Variants in TPRG1 observed in about 807,000 individuals in gnomAD.
TPRG1 encodes the protein tumor protein p63-regulated gene 1 protein.
Under a neutral mutation model 29.3 loss-of-function variants are expected in TPRG1, and 29 were observed. That is an observed-to-expected ratio of 0.99 (90% CI 0.74 to 1.35). TPRG1 has a LOEUF of 1.35. TPRG1 is among the 40% of genes most tolerant of loss of function. The pLI, the probability that TPRG1 is intolerant of heterozygous loss-of-function variation, is 0.00. For missense variants in TPRG1, 327 were observed against 335.0 expected, an observed-to-expected ratio of 0.98 and a Z score of 0.19; for synonymous variants, 130 against 116.8, an observed-to-expected ratio of 1.11 and a Z score of -0.73.
At chr3:189,155,684 A>G (rs1255833686) in intron 5 of TPRG1, among the ~76,000 whole-genome samples, 1 of 152,258 alleles carries the variant, frequency 6.6e-6, no homozygotes, top group Non-Finnish European at 1.5e-5. Flanking sequence ...GTCATTTGTG[A>G]CAACATAGAT....
At chr3:189,118,991 A>T (rs1721511155) in intron 1 of TPRG1, among the ~76,000 whole-genome samples, 1 of 152,258 alleles carries the variant, frequency 6.6e-6, no homozygotes, top group Non-Finnish European at 1.5e-5. Context: ...TGGGAGGTCT[A>T]CATACAGCTT....
intron 4 of TPRG1, among the ~76,000 whole-genome samples, chr3:189,299,254 G>A (rs946305806): frequency 3.3e-5 from 5 of 152,032 alleles, no homozygotes; most frequent in Non-Finnish European, 5.9e-5. Flanking sequence ...TTATTGTGTA[G>A]CATTTTTCTT....
At chr3:189,138,874 G>C (rs1724134532) in intron 3 of TPRG1, among the ~76,000 whole-genome samples, 1 of 152,148 alleles carries the variant, frequency 6.6e-6, no homozygotes, top group Non-Finnish European at 1.5e-5. Flanking sequence ...GTAATAAAGG[G>C]GTCAGGGAGG....
chr3:189,022,548 G>C (rs1187646406), intron 3 of TPRG1, among the ~76,000 whole-genome samples: 1 of 151,600 alleles, frequency 6.6e-6, no homozygotes, highest in African/African-American at 2.4e-5. Flanking sequence ...CTGCTCGGGG[G>C]TCAGGGGTCA....
intron 5 of TPRG1, among the ~76,000 whole-genome samples, chr3:189,320,244 TC>T (rs1204747740): frequency 2.0e-5 from 3 of 152,094 alleles, no homozygotes; most frequent in Admixed American, 6.6e-5. Context: ...TGCCCTTTCA[TC>T]TATTAGTGAC....
At chr3:189,264,524 C>A (rs1713706153) in intron 4 of TPRG1, among the ~76,000 whole-genome samples, 1 of 147,918 alleles carries the variant, frequency 6.8e-6, no homozygotes, top group African/African-American at 2.7e-5. Flanking sequence ...CTATACAGTT[C>A]ATATTTCTTT....
intron 4 of TPRG1, among the ~76,000 whole-genome samples, chr3:189,304,121 T>G (rs1186613084): frequency 4.0e-5 from 6 of 151,764 alleles, no homozygotes; most frequent in African/African-American, 9.7e-5. Flanking sequence ...CTCTTGTTTT[T>G]TTTTTTTTTT....
intron 3 of TPRG1, among the ~76,000 whole-genome samples, chr3:189,144,786 A>G (rs1725026291): frequency 6.6e-6 from 1 of 152,178 alleles, no homozygotes; most frequent in Admixed American, 6.5e-5. Context: ...TCCTTTTCTT[A>G]TTACGCCACA....
intron 4 of TPRG1, among the ~76,000 whole-genome samples, chr3:189,278,987 T>C (rs1716637312): frequency 6.6e-6 from 1 of 152,232 alleles, no homozygotes; most frequent in Non-Finnish European, 1.5e-5. Context: ...TAAAATGTAT[T>C]TGACATCAGA....
intron 2 of TPRG1, chr3:189,004,452 A>G (rs1482207738): frequency 2.0e-5 from 3 of 152,130 alleles, no homozygotes; most frequent in Admixed American, 6.6e-5. Context: ...GGCAGAAGCC[A>G]TAGTGTTCAC....
intron 3 of TPRG1, among the ~76,000 whole-genome samples, chr3:189,007,022 C>T (rs1436530845): frequency 1.3e-5 from 2 of 151,814 alleles, no homozygotes; most frequent in Non-Finnish European, 2.9e-5. Context: ...AAAGCAATGG[C>T]AACAAAAGAC....
At chr3:189,020,283 G>A (rs899458530) in intron 3 of TPRG1, among the ~76,000 whole-genome samples, 5 of 151,036 alleles carry the variant, frequency 3.3e-5, no homozygotes, top group African/African-American at 9.7e-5. Context: ...GCTTTTGAAT[G>A]TGTTTGCTCT....
intron 4 of TPRG1, among the ~76,000 whole-genome samples, chr3:189,045,406 T>G (rs1197115399): frequency 6.6e-6 from 1 of 152,236 alleles, no homozygotes; most frequent in African/African-American, 2.4e-5. Context: ...TTCTAAATAA[T>G]AAGATCAGGA....
At chr3:189,152,387 G>A (rs542012324) in intron 5 of TPRG1, among the ~76,000 whole-genome samples, 50 of 152,280 alleles carry the variant, frequency 3.3e-4, no homozygotes, top group African/African-American at 1.2e-3. Context: ...TACAGACATG[G>A]TCATCTCCAA....
intron 5 of TPRG1, among the ~76,000 whole-genome samples, chr3:189,157,591 C>T (rs16864033): frequency 0.02 from 3,102 of 152,200 alleles, 101 homozygotes; most frequent in African/African-American, 0.071. Context: ...ATGCTTTTGG[C>T]GAAAGACAAG....
chr3:189,035,027 A>G (rs190531500), intron 4 of TPRG1, among the ~76,000 whole-genome samples: 2 of 152,286 alleles, frequency 1.3e-5, no homozygotes, highest in Non-Finnish European at 2.9e-5. Flanking sequence ...AAACTAAAAA[A>G]CTTCAAACTA....
chr3:189,198,537 G>T (rs192301367), intron 1 of TPRG1, among the ~76,000 whole-genome samples: 1 of 152,170 alleles, frequency 6.6e-6, no homozygotes, highest in Non-Finnish European at 1.5e-5. Flanking sequence ...CTGAGCACTC[G>T]CTGTGTATGA....
chr3:189,122,175 C>T (rs370617075), intron 1 of TPRG1, among the ~76,000 whole-genome samples: 278 of 152,114 alleles, frequency 1.8e-3, no homozygotes, highest in African/African-American at 5.9e-3. Flanking sequence ...TCTCCGACGT[C>T]TTTTCTGAAT....
chr3:189,241,311 T>C (rs1326465074), intron 4 of TPRG1, among the ~76,000 whole-genome samples: 2 of 152,166 alleles, frequency 1.3e-5, no homozygotes, highest in African/African-American at 4.8e-5. Flanking sequence ...AAGTCTCTTA[T>C]TTGGGGTTCA....
Sources: gnomAD v4.1 joint callset for allele counts (sites outside exome capture counted in the v4.1 genomes callset) on GRCh38, gnomAD v4.1.1 for gene constraint, MANE v1.5 for transcripts, NCBI Gene and HGNC (gene_info 2026-07-23, HGNC 2026-07-21) for gene names.